Variants in DHRSX observed in about 807,000 individuals in gnomAD.
DHRSX encodes dehydrogenase/reductase X-linked.
Under a neutral mutation model 34.0 loss-of-function variants are expected in DHRSX, and 31 were observed. The ratio of observed to expected loss-of-function variants is 0.91; its 90% CI spans 0.69 to 1.23. The LOEUF (loss-of-function observed/expected upper bound fraction) is 1.23. Ranked by LOEUF, DHRSX falls within the 50% of genes most tolerant of loss-of-function variation. The pLI is 0.00. For missense variants in DHRSX, 414 were observed against 428.1 expected, an observed-to-expected ratio of 0.97 and a Z score of 0.29; for synonymous variants, 201 against 183.8, an observed-to-expected ratio of 1.09 and a Z score of -0.76.
chrX:2,475,891 G>A (rs28508256), intron 1 of DHRSX, among the ~76,000 whole-genome samples: 24,942 of 152,184 alleles, frequency 0.16, 2,872 homozygotes, highest in African/African-American at 0.32. Flanking sequence ...AAAGAATGGG[G>A]TGGTGTAACT....
chrX:2,452,709 CTGAA>C (rs1270793121), intron 1 of DHRSX, among the ~76,000 whole-genome samples: 1 of 152,004 alleles, frequency 6.6e-6, no homozygotes, highest in Non-Finnish European at 1.5e-5. Context: ...CAAGTACACA[CTGAA>C]TATGTTCCCT....
At chrX:2,275,132 G>C (rs1031458519) in intron 4 of DHRSX, among the ~76,000 whole-genome samples, 5 of 151,696 alleles carry the variant, frequency 3.3e-5, no homozygotes, top group African/African-American at 1.2e-4. Context: ...TGTTTTTTTC[G>C]GCATCAGTAA....
At position 2,489,649 on chromosome X, in the gene DHRSX, C is replaced by T. The variant is rs768361111; in HGVS notation, c.109+11168G>A. 7.4e-6 allele frequency: 12 copies of T among 1,612,402 alleles called. No homozygotes were observed. In the South Asian group the frequency reaches 7.7e-5, roughly 10 times the overall value. On this transcript the variant is annotated intron_variant, in intron 1 of 6. Transcript: ENST00000334651. The stretch of plus-strand genomic sequence containing the variant: ...CCTTGAGGCGCTGCAGCATGGCCAG[C>T]GTGCTCCCCCACCAGGAGACGCGGT...
intron 3 of DHRSX, among the ~76,000 whole-genome samples, chrX:2,394,638 C>A (rs748492597): frequency 6.6e-6 from 1 of 152,132 alleles, no homozygotes; most frequent in African/African-American, 2.4e-5. Context: ...GAGGCTGAGG[C>A]GGGCAGATCA....
At chrX:2,269,463 T>C (rs2041520034) in intron 4 of DHRSX, among the ~76,000 whole-genome samples, 1 of 152,246 alleles carries the variant, frequency 6.6e-6, no homozygotes, top group East Asian at 1.9e-4. Flanking sequence ...TACGTGTATC[T>C]GTACATGAAT....
chrX:2,402,883 C>CTTT lies in DHRSX; in HGVS notation c.286+5859_286+5861dup, dbSNP rs758977585. On this transcript the variant is annotated intron_variant, in intron 3 of 6. Transcript: ENST00000334651. ...TTCCAATTACACCTTTAATTGGTTT[C>CTTT]TTTTTTTTTTTTTTTTTTTTTGAGA... 1.5e-3 allele frequency among the ~76,000 whole-genome samples: 178 copies of CTTT among 117,722 alleles called. 3 individuals are homozygous for CTTT. The highest frequency in any genetic ancestry group is 3.8e-3 in the African/African-American group (114 of 29,976). The allele number at this position is 117,722 out of a possible 152,430, so 77.2% of individuals were successfully genotyped here.
At chrX:2,381,525 G>A (rs1417928459) in intron 3 of DHRSX, among the ~76,000 whole-genome samples, 1 of 152,048 alleles carries the variant, frequency 6.6e-6, no homozygotes, top group Non-Finnish European at 1.5e-5. Context: ...AGGAGGCTGA[G>A]GCAGGAGAAT....
At chrX:2,308,896 G>A (rs2042131806) in intron 3 of DHRSX, among the ~76,000 whole-genome samples, 2 of 142,782 alleles carry the variant, frequency 1.4e-5, no homozygotes, top group Admixed American at 1.5e-4. Context: ...GGGGAAGGAA[G>A]GAAGAAGGAG....
intron 5 of DHRSX, among the ~76,000 whole-genome samples, chrX:2,260,665 T>G (rs112105736): frequency 0.13 from 19,929 of 151,842 alleles, 1,829 homozygotes; most frequent in Non-Finnish European, 0.19. Flanking sequence ...TTCATCATAT[T>G]GGTCAGGCTG....
At chrX:2,475,077 G>A (rs1724878704) in intron 1 of DHRSX, among the ~76,000 whole-genome samples, 4 of 151,316 alleles carry the variant, frequency 2.6e-5, no homozygotes, top group South Asian at 4.2e-4. Flanking sequence ...GTGAGGGACT[G>A]CTACCATGTG....
chrX:2,263,457 G>A (rs1438585173), intron 5 of DHRSX, among the ~76,000 whole-genome samples: 2 of 151,754 alleles, frequency 1.3e-5, no homozygotes, highest in East Asian at 1.9e-4. Flanking sequence ...CTCCAGAACC[G>A]TGAGACATAA....
chrX:2,251,266 A>C (rs1377741906), intron 5 of DHRSX, among the ~76,000 whole-genome samples: 1 of 152,210 alleles, frequency 6.6e-6, no homozygotes, highest in Non-Finnish European at 1.5e-5. Context: ...TTGTGCTAAC[A>C]TTCCTAAATA....
chrX:2,409,220 C>G (rs187676080), intron 2 of DHRSX, among the ~76,000 whole-genome samples: 17 of 152,324 alleles, frequency 1.1e-4, no homozygotes, highest in African/African-American at 3.1e-4. Flanking sequence ...ACAGACTGCA[C>G]GATGCACGTG....
At chrX:2,395,399 C>T (rs2043397257) in intron 3 of DHRSX, among the ~76,000 whole-genome samples, 1 of 152,174 alleles carries the variant, frequency 6.6e-6, no homozygotes, top group Non-Finnish European at 1.5e-5. Flanking sequence ...GGGGCTTGTA[C>T]TGTGTCTAGA....
At chrX:2,447,107 C>T (rs753753768) in intron 1 of DHRSX, among the ~76,000 whole-genome samples, 4 of 152,196 alleles carry the variant, frequency 2.6e-5, no homozygotes, top group Non-Finnish European at 5.9e-5. Context: ...CGTGTACACA[C>T]TGAAGATATT....
chrX:2,268,962 C>A (rs2041511962), intron 4 of DHRSX, among the ~76,000 whole-genome samples: 1 of 152,350 alleles, frequency 6.6e-6, no homozygotes, highest in South Asian at 2.1e-4. Context: ...TACACACACA[C>A]ACCTATCCAT....
chrX:2,330,078 G>A (rs865940942), intron 3 of DHRSX, among the ~76,000 whole-genome samples: 39,742 of 57,106 alleles, frequency 0.7, 12,046 homozygotes, highest in Middle Eastern at 0.75. Context: ...GACGGCGGGG[G>A]GGGGGGGGGG....
chrX:2,361,657 G>A (rs2042935694), intron 3 of DHRSX, among the ~76,000 whole-genome samples: 1 of 152,162 alleles, frequency 6.6e-6, no homozygotes, highest in Non-Finnish European at 1.5e-5. Context: ...CATCAGTTCA[G>A]CCTGGTTAAT....
At chrX:2,271,897 C>T (rs141674383) in intron 4 of DHRSX, among the ~76,000 whole-genome samples, 3,409 of 151,934 alleles carry the variant, frequency 0.022, 142 homozygotes, top group African/African-American at 0.079. Flanking sequence ...CAAAATTAGC[C>T]GGGCGTGGTG....
Sources: gnomAD v4.1 joint callset for allele counts (sites outside exome capture counted in the v4.1 genomes callset) on GRCh38, gnomAD v4.1.1 for gene constraint, MANE v1.5 for transcripts, NCBI Gene and HGNC (gene_info 2026-07-23, HGNC 2026-07-21) for gene names.